Variants in GABRR2 observed in about 807,000 individuals in gnomAD.
The protein encoded by GABRR2 is gamma-aminobutyric acid receptor subunit rho-2.
Under a neutral mutation model 47.0 loss-of-function variants are expected in GABRR2, and 36 were observed. That is an observed-to-expected ratio of 0.77 (90% CI 0.59 to 1.01). GABRR2 has a LOEUF of 1.01. Among genes scored for constraint, GABRR2 ranks in the 50% least tolerant of loss-of-function variants. The probability of loss-of-function intolerance (pLI) is 0.00; values close to 1 mark genes in which losing one functional copy is unlikely to be tolerated. For synonymous variants in GABRR2, 204 were observed against 227.5 expected (o/e 0.90, Z 0.93); for missense variants, 587 against 594.6 (o/e 0.99, Z 0.13).
chr6:89,287,612 C>A (rs898101488), intron 2 of GABRR2, among the ~76,000 whole-genome samples: 1 of 152,232 alleles, frequency 6.6e-6, no homozygotes, highest in African/African-American at 2.4e-5. Flanking sequence ...AGAGGGACAT[C>A]TGAGTCCATC....
chr6:89,311,384 T>C (rs1388248918), intron 1 of GABRR2, among the ~76,000 whole-genome samples: 3 of 152,104 alleles, frequency 2.0e-5, no homozygotes, highest in Non-Finnish European at 4.4e-5. Flanking sequence ...CCCACTGCCA[T>C]TGAGGGCCCA....
intron 1 of GABRR2, 144 bp from the exon 2 acceptor site, chr6:89,300,009 A>C (rs1397099717): frequency 1.3e-5 from 8 of 615,200 alleles, no homozygotes; most frequent in Non-Finnish European, 2.4e-5. Context: ...AGGAGGGCTG[A>C]AGGACCCTCC....
At chr6:89,264,324 C>T in intron 8 of GABRR2, 88 bp downstream of exon 8, 2 of 1,416,114 alleles carry the variant, frequency 1.4e-6, no homozygotes, top group Non-Finnish European at 1.9e-6. Flanking sequence ...TTTCTACATG[C>T]AACCCCTGCC....
Position 89,264,441 on chromosome 6 carries a change from C to T in GABRR2, c.1057G>A (p.Glu353Lys). Residue 353 changes from glutamate (E) to lysine (K), a missense_variant, in exon 8 of 9, where the codon GAG becomes AAG. By Grantham distance (56) the Glu-to-Lys change is moderately conservative. Transcript: ENST00000402938. The stretch of plus-strand genomic sequence containing the variant: ...TCCCGCAGCTTCCGTTCCTTGCGCT[C>T]CTGCACGGTGGTCAGGTAGTTGACA... ...AAVNYLTTVQERKERKLREKF... is the reference protein window; with the variant it reads ...AAVNYLTTVQKRKERKLREKF... 6.2e-7 allele frequency: 1 copy of T among 1,613,994 alleles called. No individual in the cohort carries two copies. Among genetic ancestry groups the T allele is most frequent in the East Asian group, 2.2e-5 (1 of 44,880 alleles).
intron 1 of GABRR2, among the ~76,000 whole-genome samples, chr6:89,301,056 C>A (rs1043181582): frequency 1.4e-4 from 21 of 152,192 alleles, no homozygotes; most frequent in Non-Finnish European, 4.4e-5. Context: ...ATCAAGTAGG[C>A]TTCAATCCCA....
Position 89,315,057 on chromosome 6 carries a change from G to C in GABRR2, c.109C>G (p.Pro37Ala). The change falls in exon 1 of 9, where the codon CCA becomes GCA. Residue 37 changes from proline (P) to alanine (A), a missense_variant. By Grantham distance (27) the Pro-to-Ala change is conservative. Coordinates refer to ENST00000402938, the MANE Select transcript of GABRR2 (RefSeq NM_002043.5). ...RWTGQVEMPK[P>A]SHLYKKNLDV... ...CTTTCCCACCTATGACTTTACCTTGGCTTGGGCATTTCCACCTGCCCTGTC... is the reference window on the plus strand; with the variant it reads ...CTTTCCCACCTATGACTTTACCTTGCCTTGGGCATTTCCACCTGCCCTGTC... The C allele has an allele frequency of 6.2e-7, 1 of 1,612,990 alleles. No homozygotes were observed. Among genetic ancestry groups the C allele is most frequent in the Non-Finnish European group, 8.5e-7 (1 of 1,179,326 alleles).
Position 89,267,754 on chromosome 6 carries a change from C to T in GABRR2, c.661G>A (p.Glu221Lys), listed in dbSNP as rs750992845. 7.4e-6 allele frequency: 12 copies of T among 1,613,906 alleles called. No individual in the cohort carries two copies. The highest frequency in any genetic ancestry group is 9.3e-6 in the Non-Finnish European group (11 of 1,179,812). Residue 221 changes from glutamate to lysine, a missense_variant, in exon 6 of 9, where the codon GAG becomes AAG. Transcript: ENST00000402938. ...KNGDESLKTD[E>K]KISLSQFLIQ... ...AGAAACTGAGACAAGGAGATCTTCT[C>T]ATCTGTTTTTAGGGATTCATCCCCA...
chr6:89,264,337 T>A, intron 8 of GABRR2, 75 bp downstream of exon 8: 1 of 1,488,972 alleles, frequency 6.7e-7, no homozygotes, highest in Non-Finnish European at 9.0e-7. Context: ...CCCCTGCCTC[T>A]GCCCCCTGGC....
intron 2 of GABRR2, among the ~76,000 whole-genome samples, chr6:89,289,817 G>A (rs1774404267): frequency 1.3e-5 from 2 of 152,224 alleles, no homozygotes; most frequent in Non-Finnish European, 2.9e-5. Context: ...TCATGATTCT[G>A]GTGGCCAGAA....
chr6:89,314,623 C>T (rs886599782), intron 1 of GABRR2, among the ~76,000 whole-genome samples: 2 of 152,072 alleles, frequency 1.3e-5, no homozygotes, highest in African/African-American at 4.8e-5. Context: ...AGACAACTCC[C>T]GTATGCATTT....
chr6:89,302,594 C>A, intron 1 of GABRR2: 2 of 1,107,630 alleles, frequency 1.8e-6, no homozygotes, highest in South Asian at 1.2e-5. Flanking sequence ...GAAGCCCGGG[C>A]AGCCAGCATT....
chr6:89,302,583 T>A (rs1278082882), intron 1 of GABRR2: 2 of 1,066,462 alleles, frequency 1.9e-6, no homozygotes, highest in Non-Finnish European at 2.7e-6. Context: ...ATGCCAGGCA[T>A]GAAGCCCGGG....
At position 89,260,015 on chromosome 6, in the gene GABRR2, C is replaced by T. The variant is rs192452715; in HGVS notation, c.1087-2034G>A. ...CTCCACCTCCTGGGCTCAAGGGATC[C>T]TCCCACCTCAACCTCCCGAGTAGCT... On this transcript the variant is annotated intron_variant, in intron 8 of 8. Transcript: ENST00000402938. 9.2e-5 allele frequency among the ~76,000 whole-genome samples: 14 copies of T among 151,782 alleles called. No individual in the cohort carries two copies. In the East Asian group the frequency reaches 2.7e-3, roughly 30 times the overall value.
At chr6:89,268,284 G>A (rs1353810993) in intron 4 of GABRR2, among the ~76,000 whole-genome samples, 188 bp from the exon 5 acceptor site, 2 of 152,240 alleles carry the variant, frequency 1.3e-5, no homozygotes, top group Non-Finnish European at 2.9e-5. Context: ...TAGAGTATTA[G>A]TGCTCTGCCA....
At chr6:89,292,836 A>G (rs1203285014) in intron 2 of GABRR2, among the ~76,000 whole-genome samples, 2 of 116,320 alleles carry the variant, frequency 1.7e-5, no homozygotes, top group Non-Finnish European at 3.6e-5. Context: ...TATCGTATAT[A>G]CGATATATCG....
chr6:89,294,439 C>T (rs1453620701), intron 2 of GABRR2, among the ~76,000 whole-genome samples: 1 of 152,224 alleles, frequency 6.6e-6, no homozygotes, highest in African/African-American at 2.4e-5. Context: ...AGCCACCACA[C>T]CCAGCCTCTA....
At chr6:89,303,181 G>T in intron 1 of GABRR2, 1 of 395,012 alleles carries the variant, frequency 2.5e-6, no homozygotes. Flanking sequence ...CTGACCTCCA[G>T]AGCCATCTTG....
intron 2 of GABRR2, among the ~76,000 whole-genome samples, chr6:89,289,445 C>T (rs1774397906): frequency 6.6e-6 from 1 of 152,162 alleles, no homozygotes; most frequent in Admixed American, 6.5e-5. Context: ...TGGCAATATT[C>T]TCAACTTTAT....
intron 1 of GABRR2, chr6:89,302,305 A>T: frequency 1.8e-6 from 1 of 562,676 alleles, no homozygotes; most frequent in Non-Finnish European, 3.6e-6. Flanking sequence ...CCAAGGTGTC[A>T]CTGTGGTGGA....
Sources: allele counts gnomAD v4.1 joint callset (sites outside exome capture counted in the v4.1 genomes callset), GRCh38; gene constraint gnomAD v4.1.1; transcripts MANE v1.5; gene names NCBI Gene and HGNC (gene_info 2026-07-23, HGNC 2026-07-21).